SNPH: variants seen among roughly 807,000 people sequenced by gnomAD.
SNPH encodes the protein syntaphilin.
Under a neutral mutation model 36.8 loss-of-function variants are expected in SNPH, and 10 were observed. The ratio of observed to expected loss-of-function variants is 0.27; its 90% CI spans 0.17 to 0.46. The LOEUF is 0.46. Ranked by LOEUF, SNPH falls within the 20% of genes least tolerant of loss-of-function variation. SNPH has a pLI of 1.00. For missense variants in SNPH, 622 were observed against 744.0 expected, an observed-to-expected ratio of 0.84 and a Z score of 1.91; for synonymous variants, 281 against 312.2, an observed-to-expected ratio of 0.90 and a Z score of 1.05.
chr20:1,286,089 T>TAA (rs11475556), intron 2 of SNPH, among the ~76,000 whole-genome samples: 143 of 100,506 alleles, frequency 1.4e-3, no homozygotes, highest in African/African-American at 4.0e-3. Context: ...GACTCCATCT[T>TAA]AAAAAAAAAA....
intron 2 of SNPH, among the ~76,000 whole-genome samples, chr20:1,290,100 T>C (rs1484981906): frequency 6.6e-6 from 1 of 151,846 alleles, no homozygotes; most frequent in African/African-American, 2.4e-5. Context: ...TAATCCCAGC[T>C]ACTCGATAGG....
intron 2 of SNPH, among the ~76,000 whole-genome samples, chr20:1,279,708 A>G (rs2088193652): frequency 6.7e-6 from 1 of 149,536 alleles, no homozygotes; most frequent in African/African-American, 2.5e-5. Context: ...GCTCACTGCA[A>G]CCTCCACCTC....
chr20:1,281,225 A>G (rs6033304), intron 2 of SNPH, among the ~76,000 whole-genome samples: 1 of 151,872 alleles, frequency 6.6e-6, no homozygotes, highest in Non-Finnish European at 1.5e-5. Context: ...AGCCACCTTT[A>G]CTTCTGTCAC....
chr20:1,300,140 G>A (rs569538356), intron 5 of SNPH, among the ~76,000 whole-genome samples: 2 of 152,262 alleles, frequency 1.3e-5, no homozygotes, highest in East Asian at 3.9e-4. Flanking sequence ...GGGTTCTGGG[G>A]CACACTACCG....
At chr20:1,281,983 G>T (rs577635816) in intron 2 of SNPH, among the ~76,000 whole-genome samples, 3 of 152,376 alleles carry the variant, frequency 2.0e-5, no homozygotes, top group East Asian at 3.9e-4. Context: ...GAGGGTGGGG[G>T]TGAAGATACT....
At chr20:1,302,779 G>A (rs908016426) in intron 6 of SNPH, among the ~76,000 whole-genome samples, 1 of 152,228 alleles carries the variant, frequency 6.6e-6, no homozygotes, top group Non-Finnish European at 1.5e-5. Context: ...CAGCCAATCC[G>A]GTTTGGATTT....
intron 3 of SNPH, 82 bp from the exon 4 acceptor site, chr20:1,295,694 T>A (rs942352460): frequency 2.6e-5 from 4 of 152,882 alleles, no homozygotes; most frequent in African/African-American, 9.6e-5. Flanking sequence ...GGCAGGGACA[T>A]GGTACCTTCT....
chr20:1,309,201 G>A lies in SNPH; in HGVS notation c.*3147G>A, dbSNP rs1190353444. ...CATATTAGGCCATCCCCTTCACGAA[G>A]AATTCAGGGGATGTGGGAAGTGGGG... On this transcript the variant is annotated 3_prime_UTR_variant, in exon 7 of 7. Coordinates refer to ENST00000381867, the MANE Select transcript of SNPH (RefSeq NM_001318234.2). 6.6e-6 allele frequency: 1 copy of A among 152,622 alleles called. No homozygotes were observed. The highest frequency in any genetic ancestry group is 1.5e-5 in the Non-Finnish European group (1 of 68,052). The allele number at this position is 152,622 out of a possible 1,614,324, so 9.5% of individuals were successfully genotyped here.
At chr20:1,300,333 A>T (rs968787755) in intron 5 of SNPH, among the ~76,000 whole-genome samples, 2 of 152,310 alleles carry the variant, frequency 1.3e-5, no homozygotes, top group African/African-American at 4.8e-5. Flanking sequence ...CCCTAACTAG[A>T]GGAGCCCTGA....
chr20:1,279,342 A>T (rs139584639), intron 2 of SNPH, among the ~76,000 whole-genome samples: 18 of 152,270 alleles, frequency 1.2e-4, no homozygotes, highest in African/African-American at 4.1e-4. Context: ...TTTTGTGTCT[A>T]TTTGACAGCC....
intron 2 of SNPH, among the ~76,000 whole-genome samples, chr20:1,278,779 G>T (rs1245987143): frequency 1.3e-5 from 2 of 152,138 alleles, no homozygotes; most frequent in Non-Finnish European, 2.9e-5. Context: ...CGCCTCCCGG[G>T]TTCAAGCAAT....
rs952236498 is a variant in SNPH, at chr20:1,266,507, G to T, written c.-600+110G>T. On this transcript the variant is annotated intron_variant, in intron 1 of 6. Coordinates refer to ENST00000381867, the MANE Select transcript of SNPH (RefSeq NM_001318234.2). The surrounding 1 kb of genome is among the most constrained non-coding windows in gnomAD (Gnocchi z 6.0). ...GGTGGGGGCCGCGGGCCGCGAGGAG[G>T]AGGGGACGGAGCACCCGGCAGGCAG... The T allele has an allele frequency of 5.1e-6, 6 of 1,183,480 alleles. No homozygotes were observed. In the East Asian group the frequency reaches 1.3e-4, roughly 25 times the overall value. The allele number at this position is 1,183,480 out of a possible 1,614,324, so 73.3% of individuals were successfully genotyped here.
rs1481517942 is a variant in SNPH, at chr20:1,305,027, A to G, written c.590A>G (p.Lys197Arg). The change falls in exon 7 of 7, where the codon AAG becomes AGG. Residue 197 changes from lysine (K) to arginine (R), a missense_variant. Physicochemically the swap from Lys to Arg is conservative, Grantham distance 26. Coordinates refer to ENST00000381867, the MANE Select transcript of SNPH (RefSeq NM_001318234.2). ...CTCAAGCAGGTCATCGACACTGTCAAGAACAACCTGATTGACAAGGACAAG... is the reference window on the plus strand; with the variant it reads ...CTCAAGCAGGTCATCGACACTGTCAGGAACAACCTGATTGACAAGGACAAG... ...KQLKQVIDTV[K>R]NNLIDKDKGL... The G allele has an allele frequency of 2.5e-6, 4 of 1,614,118 alleles. No individual in the cohort carries two copies. The highest frequency in any genetic ancestry group is 1.3e-5 in the African/African-American group (1 of 75,072).
Position 1,309,231 on chromosome 20 carries a change from G to A in SNPH, c.*3177G>A, listed in dbSNP as rs2088622625. The A allele has an allele frequency of 6.6e-6, 1 of 152,640 alleles. No individual in the cohort carries two copies. Among genetic ancestry groups the A allele is most frequent in the African/African-American group, 2.4e-5 (1 of 41,448 alleles). 9.5% of individuals were successfully genotyped at this position (152,640 alleles called of 1,614,324 possible). On this transcript the variant is annotated 3_prime_UTR_variant, in exon 7 of 7. Transcript: ENST00000381867. ...CAGGGGATGTGGGAAGTGGGGAGGCGGGGAGGGATCTTGACTCTTGTCTCC... is the reference window on the plus strand; with the variant it reads ...CAGGGGATGTGGGAAGTGGGGAGGCAGGGAGGGATCTTGACTCTTGTCTCC...
intron 2 of SNPH, among the ~76,000 whole-genome samples, chr20:1,289,039 G>A (rs1394800180): frequency 6.6e-6 from 1 of 152,188 alleles, no homozygotes. Context: ...CATCTCCATT[G>A]TGGTATCTTA....
intron 3 of SNPH, among the ~76,000 whole-genome samples, chr20:1,295,432 G>A (rs950810084): frequency 3.9e-5 from 6 of 152,284 alleles, no homozygotes; most frequent in Non-Finnish European, 8.8e-5. Flanking sequence ...AGGCACGAAC[G>A]CTTCCTCCTG....
Position 1,305,360 on chromosome 20 carries a change from T to C in SNPH, c.923T>C (p.Leu308Pro). The C allele has an allele frequency of 6.2e-7, 1 of 1,612,370 alleles. No homozygotes were observed. Among genetic ancestry groups the C allele is most frequent in the Non-Finnish European group, 8.5e-7 (1 of 1,179,848 alleles). ...RTDALEASSL[L>P]SSGVDCGTEE... Reference sequence around the variant, plus strand: ...GACGCGCTGGAAGCCAGCAGCCTGCTGTCGTCGGGGGTGGACTGTGGCACC... The same window carrying C: ...GACGCGCTGGAAGCCAGCAGCCTGCCGTCGTCGGGGGTGGACTGTGGCACC... The change falls in exon 7 of 7, where the codon CTG becomes CCG. Residue 308 changes from leucine (L) to proline (P), a missense_variant. Leu to Pro is a moderately conservative substitution (Grantham distance 98). Transcript: ENST00000381867.
At chr20:1,298,634 C>T (rs1266217997) in intron 5 of SNPH, among the ~76,000 whole-genome samples, 1 of 152,186 alleles carries the variant, frequency 6.6e-6, no homozygotes, top group Non-Finnish European at 1.5e-5. Context: ...GAGGTGATCC[C>T]AACCCCAGGG....
chr20:1,269,919 C>T (rs1480065820), intron 2 of SNPH, among the ~76,000 whole-genome samples: 3 of 152,192 alleles, frequency 2.0e-5, no homozygotes, highest in Non-Finnish European at 4.4e-5. Flanking sequence ...GGCAGAGAGG[C>T]GAAGGGTCTT....
Sources: gnomAD v4.1 joint callset for allele counts (sites outside exome capture counted in the v4.1 genomes callset) on GRCh38, gnomAD v4.1.1 for gene constraint, Gnocchi (gnomAD v3.1) non-coding constraint, MANE v1.5 for transcripts, NCBI Gene and HGNC (gene_info 2026-07-23, HGNC 2026-07-21) for gene names.